The following CCSER1 variants were observed in gnomAD, a reference collection of about 807,000 sequenced individuals.
The protein encoded by CCSER1 is serine-rich coiled-coil domain-containing protein 1.
CCSER1 carries 41 observed loss-of-function variants against 82.0 expected under a neutral mutation model. That is an observed-to-expected ratio of 0.50 (90% CI 0.39 to 0.65). The LOEUF (loss-of-function observed/expected upper bound fraction) is 0.65, where lower values mean the gene tolerates loss of function less well. Ranked by LOEUF, CCSER1 falls within the 30% of genes least tolerant of loss-of-function variation. The pLI is 0.00. For missense variants in CCSER1, 1,119 were observed against 1,064.2 expected, an observed-to-expected ratio of 1.05 and a Z score of -0.72; for synonymous variants, 414 against 383.9, an observed-to-expected ratio of 1.08 and a Z score of -0.92.
At chr4:91,165,750 T>C (rs538540859) in intron 10 of CCSER1, among the ~76,000 whole-genome samples, 1 of 152,252 alleles carries the variant, frequency 6.6e-6, no homozygotes, top group Non-Finnish European at 1.5e-5. Context: ...GCGTGGGATA[T>C]AATCTCCTGG....
At position 90,421,031 on chromosome 4, in the gene CCSER1, GTCTT is replaced by G. The variant is rs566826565; in HGVS notation, c.1603+20907_1603+20910del. On this transcript the variant is annotated intron_variant, in intron 4 of 10. Coordinates refer to ENST00000509176, the MANE Select transcript of CCSER1 (RefSeq NM_001145065.2). ...CAAGTAATTAAGAAAGCAAACGCTG[GTCTT>G]TCTTCTAAAGGAATAGAATATTTAT... is the stretch of plus-strand genomic sequence containing the variant. 1.3e-4 allele frequency among the ~76,000 whole-genome samples: 20 copies of G among 152,222 alleles called. No individual in the cohort carries two copies. In the South Asian group the frequency reaches 2.5e-3, roughly 19 times the overall value.
At chr4:91,160,844 C>A (rs978471777) in intron 10 of CCSER1, among the ~76,000 whole-genome samples, 1 of 151,956 alleles carries the variant, frequency 6.6e-6, no homozygotes, top group Admixed American at 6.6e-5. Context: ...TTTTCCAATT[C>A]TGTAGGTTGC....
In CCSER1 at chr4:91,352,217, TG is replaced by T. The variant is rs1381242051; in HGVS notation, c.2218-246354del. On this transcript the variant is annotated intron_variant, in intron 10 of 10. Transcript: ENST00000509176. Reference sequence around the variant, plus strand: ...CTTTTAATTTAACAACATTGCTCATTGTATAATAGGCTTAGGAAAATTTATT... The same window carrying T: ...CTTTTAATTTAACAACATTGCTCATTTATAATAGGCTTAGGAAAATTTATT... Among the ~76,000 whole-genome samples, 30 of 152,318 alleles carry T rather than the reference TG, an allele frequency of 2.0e-4. 1 individual carries two copies. The highest frequency in any genetic ancestry group is 7.2e-4 in the African/African-American group (30 of 41,582).
chr4:90,691,650 T>C (rs13134128), intron 6 of CCSER1, among the ~76,000 whole-genome samples: 3 of 151,764 alleles, frequency 2.0e-5, no homozygotes, highest in African/African-American at 7.3e-5. Flanking sequence ...CATGTATATA[T>C]ACACACATGC....
chr4:90,682,644 G>A (rs1037516179), intron 6 of CCSER1, among the ~76,000 whole-genome samples: 1 of 151,888 alleles, frequency 6.6e-6, no homozygotes, highest in Non-Finnish European at 1.5e-5. Context: ...AGGATAATGG[G>A]AAAACAATCT....
chr4:90,420,679 A>G (rs1424431248), intron 4 of CCSER1, among the ~76,000 whole-genome samples: 1 of 152,058 alleles, frequency 6.6e-6, no homozygotes, highest in Non-Finnish European at 1.5e-5. Flanking sequence ...TAGCTGAAAA[A>G]TGTTTATACA....
Position 90,734,283 on chromosome 4 carries a change from G to A in CCSER1, c.2010+10292G>A, listed in dbSNP as rs181707445. 2.1e-3 allele frequency among the ~76,000 whole-genome samples: 320 copies of A among 151,818 alleles called. 2 individuals are homozygous for A. The highest frequency in any genetic ancestry group is 0.011 in the East Asian group (57 of 5,158). The stretch of plus-strand genomic sequence containing the variant: ...TGGGACTACAGGCTCCCACCACCAC[G>A]CCCGGCTAATTTTTTGTATTTTTAG... On this transcript the variant is annotated intron_variant, in intron 7 of 10. Coordinates refer to ENST00000509176, the MANE Select transcript of CCSER1 (RefSeq NM_001145065.2).
At chr4:91,315,150 A>AGTGTGTGTGT (rs67135461) in intron 10 of CCSER1, among the ~76,000 whole-genome samples, 9 of 149,568 alleles carry the variant, frequency 6.0e-5, no homozygotes, top group Admixed American at 2.0e-4. Context: ...CGTGTGTGCA[A>AGTGTGTGTGT]GTGTGTGTGT....
At chr4:91,541,140 G>A (rs953526092) in intron 10 of CCSER1, among the ~76,000 whole-genome samples, 4 of 152,198 alleles carry the variant, frequency 2.6e-5, no homozygotes, top group Admixed American at 2.0e-4. Context: ...GGCAAAGTGA[G>A]TTCTTGAAAG....
intron 7 of CCSER1, among the ~76,000 whole-genome samples, chr4:90,789,023 C>T (rs912434722): frequency 7.9e-5 from 12 of 152,062 alleles, no homozygotes; most frequent in Admixed American, 5.2e-4. Flanking sequence ...CACACACACA[C>T]ACACCATCTC....
At chr4:90,322,193 C>A (rs1737275815) in intron 3 of CCSER1, among the ~76,000 whole-genome samples, 1 of 152,076 alleles carries the variant, frequency 6.6e-6, no homozygotes, top group Admixed American at 6.6e-5. Context: ...TCATTCTCTG[C>A]ATGTGGATAT....
chr4:90,245,396 G>A (rs796416751), intron 1 of CCSER1, among the ~76,000 whole-genome samples: 2 of 152,030 alleles, frequency 1.3e-5, no homozygotes, highest in African/African-American at 4.8e-5. Context: ...ACAAGGTGCT[G>A]GTAGCTGACC....
intron 8 of CCSER1, among the ~76,000 whole-genome samples, chr4:90,868,892 G>A (rs564333931): frequency 2.7e-4 from 41 of 151,938 alleles, no homozygotes; most frequent in Non-Finnish European, 5.2e-4. Flanking sequence ...TTGAATGAAA[G>A]CCATTTTAAA....
At chr4:90,182,787 A>G (rs1246024306) in intron 1 of CCSER1, among the ~76,000 whole-genome samples, 2 of 152,102 alleles carry the variant, frequency 1.3e-5, no homozygotes, top group Non-Finnish European at 2.9e-5. Context: ...CACCTAACTA[A>G]TACCTTTATC....
intron 10 of CCSER1, among the ~76,000 whole-genome samples, chr4:91,572,044 G>A (rs1042825271): frequency 2.2e-4 from 33 of 152,266 alleles, no homozygotes; most frequent in Middle Eastern, 6.8e-3. Context: ...TTAAGGCTCT[G>A]TTCAGGGAGT....
At chr4:90,461,547 G>A (rs992227935) in intron 4 of CCSER1, among the ~76,000 whole-genome samples, 1 of 152,030 alleles carries the variant, frequency 6.6e-6, no homozygotes, top group Non-Finnish European at 1.5e-5. Flanking sequence ...CTTGTGTCTT[G>A]TGTCTTGTCT....
intron 6 of CCSER1, among the ~76,000 whole-genome samples, chr4:90,707,984 C>G (rs1191799538): frequency 6.6e-6 from 1 of 152,118 alleles, no homozygotes; most frequent in Non-Finnish European, 1.5e-5. Context: ...ATACTCTTTC[C>G]TTTCATTTCA....
At chr4:90,665,226 A>G (rs1731506991) in intron 6 of CCSER1, among the ~76,000 whole-genome samples, 1 of 152,114 alleles carries the variant, frequency 6.6e-6, no homozygotes, top group East Asian at 1.9e-4. Flanking sequence ...AAATACTTAT[A>G]AGTGTTGTAT....
intron 5 of CCSER1, among the ~76,000 whole-genome samples, chr4:90,596,812 A>G (rs1783400850): frequency 6.6e-6 from 1 of 151,990 alleles, no homozygotes; most frequent in Non-Finnish European, 1.5e-5. Context: ...GGAAATAACA[A>G]TTTCAGAAAA....
Sources: allele counts gnomAD v4.1 joint callset (sites outside exome capture counted in the v4.1 genomes callset), GRCh38; gene constraint gnomAD v4.1.1; transcripts MANE v1.5; gene names NCBI Gene and HGNC (gene_info 2026-07-23, HGNC 2026-07-21).